The following KIF7 variants were observed in gnomAD, a reference collection of about 807,000 sequenced individuals.
KIF7 encodes the protein kinesin family member 7.
KIF7 carries 104 observed loss-of-function variants against 135.7 expected under a neutral mutation model. The ratio of observed to expected loss-of-function variants is 0.77; its 90% CI spans 0.65 to 0.90. KIF7 has a LOEUF of 0.90. KIF7 is among the 40% of genes least tolerant of loss of function. The pLI, the probability that KIF7 is intolerant of heterozygous loss-of-function variation, is 0.00. For missense variants in KIF7, 2,005 were observed against 1,839.1 expected (o/e 1.09, Z -1.65); for synonymous variants, 883 against 809.4 (o/e 1.09, Z -1.54).
chr15:89,646,554 G>A (rs1964016480), intron 7 of KIF7, among the ~76,000 whole-genome samples: 1 of 152,136 alleles, frequency 6.6e-6, no homozygotes, highest in African/African-American at 2.4e-5. Flanking sequence ...GTTTCCACCC[G>A]ATGCCGGAAG....
At chr15:89,644,886 T>A (rs981170399) in intron 10 of KIF7, 127 bp downstream of exon 10, 2 of 1,237,376 alleles carry the variant, frequency 1.6e-6, no homozygotes, top group Non-Finnish European at 2.3e-6. Flanking sequence ...CTGGGCTGAG[T>A]ATCAAACCTA....
At chr15:89,624,383 C>T (rs1364501148), downstream of KIF7, 1 of 1,614,096 alleles carries the variant, frequency 6.2e-7, no homozygotes, top group South Asian at 1.1e-5. Flanking sequence ...TGCCCTGTTC[C>T]CTCAACTCCC....
chr15:89,634,125 C>A (rs1963750273), intron 11 of KIF7, among the ~76,000 whole-genome samples: 1 of 152,154 alleles, frequency 6.6e-6, no homozygotes, highest in Admixed American at 6.5e-5. Flanking sequence ...ATAGTGAAAT[C>A]CTGTCTCTAC....
chr15:89,633,286 G>A lies in KIF7; in HGVS notation c.2593-20C>T. The A allele has an allele frequency of 6.5e-7, 1 of 1,549,142 alleles. No homozygotes were observed. Among genetic ancestry groups the A allele is most frequent in the Non-Finnish European group, 8.7e-7 (1 of 1,151,050 alleles). ...CAGCTCCTGGGTGAGGAGCTCAGTGGGCAGGGCTGTTTATGGTGCCAGCAT... is the reference window on the plus strand; with the variant it reads ...CAGCTCCTGGGTGAGGAGCTCAGTGAGCAGGGCTGTTTATGGTGCCAGCAT... On this transcript the variant is annotated intron_variant, in intron 12 of 18. Coordinates refer to ENST00000394412, the MANE Select transcript of KIF7 (RefSeq NM_198525.3).
chr15:89,629,564 GCGTCACCAC>G lies in KIF7; in HGVS notation c.3319_3327del (p.Val1107_Thr1109del). ...TGCTGCTGGTGCTGCTCCTCTCGGAGCGTCACCACCTGTCCCAAGACCCAGCCAGGCTCA... is the reference window on the plus strand; with the variant it reads ...TGCTGCTGGTGCTGCTCCTCTCGGAGCTGTCCCAAGACCCAGCCAGGCTCA... On this transcript the variant is annotated inframe_deletion and splice_region_variant, in exon 17 of 19. Transcript: ENST00000394412. 6.8e-6 allele frequency: 11 copies of G among 1,606,258 alleles called. No individual in the cohort carries two copies. The highest frequency in any genetic ancestry group is 9.3e-6 in the Non-Finnish European group (11 of 1,179,984).
chr15:89,630,630 C>G (rs1173302415), intron 15 of KIF7, 137 bp from the exon 16 acceptor site: 3 of 732,798 alleles, frequency 4.1e-6, no homozygotes, highest in African/African-American at 1.7e-5. Context: ...GTCAGCCCAT[C>G]GAGAGAGGTG....
chr15:89,638,904 G>T (rs545134476), intron 11 of KIF7, among the ~76,000 whole-genome samples: 77 of 152,128 alleles, frequency 5.1e-4, no homozygotes, highest in African/African-American at 1.8e-3. Context: ...ATACTACAAG[G>T]CTACAGTAAC....
intron 11 of KIF7, among the ~76,000 whole-genome samples, chr15:89,634,867 G>T (rs1281706755): frequency 6.6e-6 from 1 of 152,190 alleles, no homozygotes; most frequent in Non-Finnish European, 1.5e-5. Context: ...CTCCACCTCT[G>T]GGGGCAGGGC....
chr15:89,644,003 A>C (rs1257043957), intron 10 of KIF7, among the ~76,000 whole-genome samples: 3 of 152,108 alleles, frequency 2.0e-5, no homozygotes, highest in Non-Finnish European at 4.4e-5. Context: ...AGGTGTAGGG[A>C]AGAAAGGACA....
At chr15:89,634,713 C>T (rs898677458) in intron 11 of KIF7, among the ~76,000 whole-genome samples, 4 of 152,178 alleles carry the variant, frequency 2.6e-5, no homozygotes, top group Non-Finnish European at 4.4e-5. Flanking sequence ...GCACAGCAGT[C>T]GGAGATCAAA....
At chr15:89,650,220 T>C (rs1964103287) in intron 2 of KIF7, among the ~76,000 whole-genome samples, 3 of 152,238 alleles carry the variant, frequency 2.0e-5, no homozygotes, top group South Asian at 2.1e-4. Flanking sequence ...CAACAGATTA[T>C]CAAATAACCT....
intron 8 of KIF7, 105 bp downstream of exon 8, chr15:89,645,787 AG>A: frequency 2.1e-6 from 3 of 1,450,178 alleles, no homozygotes; most frequent in Non-Finnish European, 2.8e-6. Flanking sequence ...TAGGACCCAG[AG>A]GCTTCCCCAC....
intron 7 of KIF7, among the ~76,000 whole-genome samples, chr15:89,646,553 C>T (rs1011012853): frequency 2.6e-5 from 4 of 152,106 alleles, no homozygotes; most frequent in Non-Finnish European, 4.4e-5. Context: ...GGTTTCCACC[C>T]GATGCCGGAA....
intron 11 of KIF7, among the ~76,000 whole-genome samples, chr15:89,640,534 C>T (rs1391508567): frequency 3.9e-5 from 6 of 152,102 alleles, no homozygotes; most frequent in African/African-American, 1.4e-4. Context: ...CAAACCTGAG[C>T]AGTCAGGCTC....
In KIF7 at chr15:89,632,851, C is replaced by T. The variant is rs1223442319; in HGVS notation, c.2864G>A (p.Gly955Glu). 1.1e-5 allele frequency: 17 copies of T among 1,608,704 alleles called. No individual in the cohort carries two copies. The highest frequency in any genetic ancestry group is 1.4e-5 in the Non-Finnish European group (17 of 1,179,746). Residue 955 changes from glycine to glutamate, a missense_variant, in exon 14 of 19, where the codon GGG (glycine) becomes GAG (glutamate). Gly to Glu is a moderately conservative substitution (Grantham distance 98, BLOSUM62 -2). Transcript: ENST00000394412. ...KKEALMQEKT[G>E]LESKRLRSSQ... is the part of the protein sequence containing the mutation. ...GGATCTCAGGCGCTTGCTCTCCAGC[C>T]CCGTCTTCTCCTGCATCAGGGCCTC... is the stretch of plus-strand genomic sequence containing the variant.
rs1963994085 is a variant in KIF7, at chr15:89,645,400, C to G, written c.1974G>C (p.Leu658=). 1 of 1,614,116 alleles carries G rather than the reference C, an allele frequency of 6.2e-7. No individual in the cohort carries two copies. The highest frequency in any genetic ancestry group is 8.5e-7 in the Non-Finnish European group (1 of 1,179,962). ...SQRAGARPGS[L]PERKGPELCL... The stretch of plus-strand genomic sequence containing the variant: ...AAAGCTCTGGGCCCTTCCTCTCTGG[C>G]AGACTCCCTGGGCGTGCCCCCGCCC... Residue 658 remains leucine (L), a synonymous_variant, in exon 9 of 19, where the codon CTG becomes CTC. Transcript: ENST00000394412.
chr15:89,648,268 G>C lies in KIF7; in HGVS notation c.1430C>G (p.Ala477Gly). The C allele has an allele frequency of 1.3e-6, 2 of 1,514,678 alleles. No individual in the cohort carries two copies. Among genetic ancestry groups the C allele is most frequent in the Non-Finnish European group, 1.8e-6 (2 of 1,133,860 alleles). 93.8% of individuals were successfully genotyped at this position (1,514,678 alleles called of 1,614,324 possible). A position where few individuals can be genotyped will look rare whatever the true frequency, so the allele number is the denominator to read the frequency against. The change falls in exon 5 of 19, where the codon GCC becomes GGC. Residue 477 changes from alanine to glycine, a missense_variant. Physicochemically the swap from Ala to Gly is moderately conservative, Grantham distance 60. Transcript: ENST00000394412. ...ASVEDQAAQG[A>G]GGRKEDEGAQ... ...TCCCTCGGCCACCTTTCGCCCGCCGGCCCCCTGCGCCGCCTGGTCCTCGAC... is the reference window on the plus strand; with the variant it reads ...TCCCTCGGCCACCTTTCGCCCGCCGCCCCCCTGCGCCGCCTGGTCCTCGAC...
intron 1 of KIF7, among the ~76,000 whole-genome samples, chr15:89,653,775 TTAG>T (rs983471355): frequency 1.2e-5 from 1 of 81,388 alleles, no homozygotes; most frequent in Non-Finnish European, 3.0e-5. Flanking sequence ...AGTATTAGTA[TTAG>T]TATTAGTATT....
In KIF7 at chr15:89,645,176, CA is replaced by C; in HGVS notation, c.2039-12del. On this transcript the variant is annotated splice_polypyrimidine_tract_variant and intron_variant, in intron 9 of 18. Transcript: ENST00000394412. ...TGCTCCCACCAACTGCTGCAACAGG[CA>C]GCCTGTCAAGGTTGCTGCCCCAACT... 6 of 1,604,794 alleles carry C rather than the reference CA, an allele frequency of 3.7e-6. No individual in the cohort carries two copies. Among genetic ancestry groups the C allele is most frequent in the Non-Finnish European group, 4.2e-6 (5 of 1,179,950 alleles).
Sources: allele counts gnomAD v4.1 joint callset (sites outside exome capture counted in the v4.1 genomes callset), GRCh38; gene constraint gnomAD v4.1.1; transcripts MANE v1.5; gene names NCBI Gene and HGNC (gene_info 2026-07-23, HGNC 2026-07-21).